Variants in YAE1 observed in about 807,000 individuals in gnomAD.
YAE1 encodes the protein protein YAE1 homolog.
YAE1 carries 22 observed loss-of-function variants against 23.0 expected under a neutral mutation model. That is an observed-to-expected ratio of 0.96 (90% CI 0.68 to 1.37). The LOEUF (loss-of-function observed/expected upper bound fraction) is 1.37, where lower values mean the gene tolerates loss of function less well. Among genes scored for constraint, YAE1 ranks in the 40% most tolerant of loss-of-function variants. The pLI is 0.00. For missense variants in YAE1, 260 were observed against 262.1 expected (o/e 0.99, Z 0.06); for synonymous variants, 101 against 97.0 (o/e 1.04, Z -0.24).
downstream of YAE1, among the ~76,000 whole-genome samples, chr7:39,611,466 G>A (rs541791142): frequency 6.6e-5 from 10 of 152,210 alleles, no homozygotes; most frequent in East Asian, 3.8e-4. Context: ...GTGCTGGGCC[G>A]AGGCAGGCTC....
chr7:39,583,064 A>T (rs1340294005), intron 2 of YAE1, among the ~76,000 whole-genome samples: 1 of 152,216 alleles, frequency 6.6e-6, no homozygotes, highest in East Asian at 1.9e-4. Flanking sequence ...GCTGCATTCA[A>T]TCTAGAGTAG....
intron 2 of YAE1, among the ~76,000 whole-genome samples, chr7:39,600,917 C>A (rs1562596589): frequency 6.6e-6 from 1 of 152,136 alleles, no homozygotes; most frequent in Non-Finnish European, 1.5e-5. Flanking sequence ...CTTCTAGCCT[C>A]CAGAACTATG....
rs771353722 is a variant in YAE1 at position 39,566,595 on chromosome 7, G to A, written c.129+48G>A. On this transcript the variant is annotated intron_variant, in intron 1 of 2. Transcript: ENST00000223273. ...GGGGTGCTGGGTTGTGGGAAGAGGCGCGGAGTTGTGAAGAAGCTGGGTCCA... is the reference window on the plus strand; with the variant it reads ...GGGGTGCTGGGTTGTGGGAAGAGGCACGGAGTTGTGAAGAAGCTGGGTCCA... 40 of 1,607,454 alleles carry A rather than the reference G, an allele frequency of 2.5e-5. No homozygotes were observed. The Middle Eastern group carries it at 5.0e-4, about 20-fold the overall frequency.
chr7:39,578,926 C>G (rs1380040346), intron 2 of YAE1, among the ~76,000 whole-genome samples: 1 of 152,030 alleles, frequency 6.6e-6, no homozygotes, highest in Non-Finnish European at 1.5e-5. Flanking sequence ...TTAAAAAATA[C>G]AAAATTATGT....
intron 2 of YAE1, among the ~76,000 whole-genome samples, chr7:39,602,825 C>T (rs554828038): frequency 4.6e-5 from 7 of 152,208 alleles, no homozygotes; most frequent in African/African-American, 1.4e-4. Flanking sequence ...CTCAGTTCAC[C>T]GCAGCCTCTG....
intron 2 of YAE1, among the ~76,000 whole-genome samples, chr7:39,598,010 A>C (rs1791001795): frequency 6.6e-6 from 1 of 151,768 alleles, no homozygotes; most frequent in Admixed American, 6.6e-5. Flanking sequence ...GGGACTCACT[A>C]TGTTGCCCAG....
At chr7:39,603,519 T>A (rs971229199) in intron 2 of YAE1, among the ~76,000 whole-genome samples, 30 of 152,102 alleles carry the variant, frequency 2.0e-4, no homozygotes, top group Admixed American at 3.9e-4. Flanking sequence ...AATTAAGCTG[T>A]GGGAATTGTG....
At chr7:39,610,077 G>T (rs1188226934) in exon 3 of YAE1, 54 of 1,421,374 alleles carry the variant, frequency 3.8e-5, no homozygotes, top group Non-Finnish European at 4.8e-5. Context: ...TTTCTCCTGG[G>T]TGAAGATGGA....
downstream of YAE1, among the ~76,000 whole-genome samples, chr7:39,575,055 ATGT>A (rs1790632611): frequency 6.6e-6 from 1 of 152,034 alleles, no homozygotes; most frequent in African/African-American, 2.4e-5. Context: ...CTTGCCTCAC[ATGT>A]TGTAGGTCTG....
intron 2 of YAE1, among the ~76,000 whole-genome samples, chr7:39,604,306 A>G (rs1034182246): frequency 2.0e-5 from 3 of 152,374 alleles, no homozygotes; most frequent in South Asian, 2.1e-4. Flanking sequence ...GGCCAGAGCT[A>G]TATCACATGC....
chr7:39,592,434 C>G (rs1198084415), intron 2 of YAE1, among the ~76,000 whole-genome samples: 1 of 152,120 alleles, frequency 6.6e-6, no homozygotes, highest in Non-Finnish European at 1.5e-5. Context: ...GATACAGATG[C>G]TCCTCAACTT....
exon 3 of YAE1, chr7:39,609,836 T>G (rs942003742): frequency 1.3e-6 from 2 of 1,533,064 alleles, no homozygotes; most frequent in South Asian, 1.2e-5. Flanking sequence ...CCCCAGGCCC[T>G]GGGACGCCGA....
intron 2 of YAE1, among the ~76,000 whole-genome samples, chr7:39,584,660 G>T (rs1790789042): frequency 6.6e-6 from 1 of 152,100 alleles, no homozygotes; most frequent in Non-Finnish European, 1.5e-5. Flanking sequence ...GTTTATTGAG[G>T]ACTTTTATAC....
intron 2 of YAE1, chr7:39,609,561 TG>T: frequency 6.7e-7 from 1 of 1,503,286 alleles, no homozygotes; most frequent in Non-Finnish European, 8.9e-7. Context: ...GGGAAAGTTG[TG>T]GGGACAGTGA....
chr7:39,609,533 T>C, intron 2 of YAE1: 1 of 1,471,600 alleles, frequency 6.8e-7, no homozygotes, highest in Non-Finnish European at 9.1e-7. Context: ...ATGATGATGT[T>C]ATCGAATTGG....
Position 39,580,979 on chromosome 7 carries a change from G to A in YAE1, c.251+10352G>A, listed in dbSNP as rs186189989. On this transcript the variant is annotated intron_variant, in intron 2 of 2. Coordinates refer to the YAE1 transcript ENST00000432096. ...ATGTAAAATTCTAACCTCACCTGCA[G>A]GAAGCATCTCTACTTGCCAAGCAGG... 7.2e-5 allele frequency among the ~76,000 whole-genome samples: 11 copies of A among 152,246 alleles called. No homozygotes were observed. The East Asian group carries it at 2.1e-3, about 29-fold the overall frequency.
intron 2 of YAE1, among the ~76,000 whole-genome samples, chr7:39,597,020 A>G (rs1380797683): frequency 2.0e-5 from 3 of 152,224 alleles, no homozygotes; most frequent in African/African-American, 4.8e-5. Flanking sequence ...CTGGACTTTT[A>G]AAAGACATTT....
At chr7:39,582,047 C>T (rs1790750259) in intron 2 of YAE1, among the ~76,000 whole-genome samples, 1 of 152,018 alleles carries the variant, frequency 6.6e-6, no homozygotes, top group South Asian at 2.1e-4. Context: ...CCTGCCTCAG[C>T]CTCCCAAGTA....
intron 2 of YAE1, among the ~76,000 whole-genome samples, chr7:39,602,469 G>A (rs1288125573): frequency 2.6e-5 from 4 of 152,164 alleles, no homozygotes; most frequent in African/African-American, 9.7e-5. Flanking sequence ...GAACTCTTTA[G>A]CATCAGAAAA....
Sources: gnomAD v4.1 joint callset for allele counts (sites outside exome capture counted in the v4.1 genomes callset) on GRCh38, gnomAD v4.1.1 for gene constraint, MANE v1.5 for transcripts, NCBI Gene and HGNC (gene_info 2026-07-23, HGNC 2026-07-21) for gene names.